Variants in EYS observed in about 807,000 individuals in gnomAD.
EYS encodes protein eyes shut homolog.
Under a neutral mutation model 282.1 loss-of-function variants are expected in EYS, and 250 were observed. That is an observed-to-expected ratio of 0.89 (90% CI 0.80 to 0.98). EYS has a LOEUF of 0.98. Ranked by LOEUF, EYS falls within the 50% of genes least tolerant of loss-of-function variation. The pLI is 0.00. For missense variants in EYS, 4,016 were observed against 3,709.0 expected, an observed-to-expected ratio of 1.08 and a Z score of -2.15; for synonymous variants, 1,355 against 1,282.9, an observed-to-expected ratio of 1.06 and a Z score of -1.20.
At chr6:65,033,650 G>A (rs1772675478) in intron 13 of EYS, among the ~76,000 whole-genome samples, 1 of 152,144 alleles carries the variant, frequency 6.6e-6, no homozygotes, top group Non-Finnish European at 1.5e-5. Flanking sequence ...AAGAATGCTT[G>A]GCAGCCTCCT....
At chr6:65,583,047 T>C (rs1764921051) in intron 2 of EYS, among the ~76,000 whole-genome samples, 1 of 152,078 alleles carries the variant, frequency 6.6e-6, no homozygotes. Context: ...TATAATGCAA[T>C]TTTAAAAGTT....
At chr6:65,610,261 G>A (rs1765948143) in intron 2 of EYS, among the ~76,000 whole-genome samples, 4 of 151,736 alleles carry the variant, frequency 2.6e-5, no homozygotes, top group Admixed American at 2.6e-4. Context: ...TCTTTGTATT[G>A]TGTTGTTCTT....
chr6:64,700,518 CAT>C (rs546415560), intron 22 of EYS, among the ~76,000 whole-genome samples: 9 of 152,050 alleles, frequency 5.9e-5, no homozygotes, highest in African/African-American at 1.9e-4. Context: ...AGATTTGATA[CAT>C]GACTTTAATA....
intron 22 of EYS, among the ~76,000 whole-genome samples, chr6:64,693,425 T>C (rs1318759605): frequency 1.3e-5 from 2 of 152,132 alleles, no homozygotes; most frequent in African/African-American, 4.8e-5. Flanking sequence ...AAATGAGCTA[T>C]TGTGATAAAG....
intron 5 of EYS, among the ~76,000 whole-genome samples, chr6:65,432,243 C>T (rs942272697): frequency 1.3e-5 from 2 of 151,922 alleles, no homozygotes; most frequent in African/African-American, 4.8e-5. Context: ...TTATATGAAA[C>T]ATAAAATTAT....
chr6:65,544,236 C>T (rs746364257), intron 2 of EYS, among the ~76,000 whole-genome samples: 17 of 152,060 alleles, frequency 1.1e-4, no homozygotes, highest in Admixed American at 3.3e-4. Flanking sequence ...CATGAGAACA[C>T]GTGAAGTTCT....
At chr6:64,068,536 G>T (rs1475364757) in intron 32 of EYS, among the ~76,000 whole-genome samples, 2 of 151,842 alleles carry the variant, frequency 1.3e-5, no homozygotes, top group Non-Finnish European at 1.5e-5. Flanking sequence ...GGGAGGGATA[G>T]CATTAGGAGA....
intron 22 of EYS, among the ~76,000 whole-genome samples, chr6:64,655,527 T>A (rs4710483): frequency 6.6e-6 from 1 of 151,294 alleles, no homozygotes; most frequent in South Asian, 2.1e-4. Flanking sequence ...ACATAGTAAT[T>A]AGAAAAAAAG....
chr6:63,753,525 A>C (rs761032144), intron 41 of EYS, among the ~76,000 whole-genome samples: 1 of 152,146 alleles, frequency 6.6e-6, no homozygotes, highest in Non-Finnish European at 1.5e-5. Flanking sequence ...GACCTTCTTC[A>C]CATAGTGGCA....
At position 64,155,910 on chromosome 6, in the gene EYS, C is replaced by T. The variant is rs570124019; in HGVS notation, c.6425-73908G>A. Among the ~76,000 whole-genome samples, 3 of 151,950 alleles carry T rather than the reference C, an allele frequency of 2.0e-5. No individual in the cohort carries two copies. In the East Asian group the frequency reaches 5.8e-4, roughly 29 times the overall value. ...CTAACGATAAAATGACAGCAGAAAA[C>T]ATGTGGAACTCCGCACAAAACCCTT... On this transcript the variant is annotated intron_variant, in intron 31 of 42. Coordinates refer to ENST00000503581, the MANE Select transcript of EYS (RefSeq NM_001142800.2).
Position 64,242,889 on chromosome 6 carries a change from AAATAT to A in EYS, c.6192-12070_6192-12066del, listed in dbSNP as rs912689291. Among the ~76,000 whole-genome samples, 7 of 147,020 alleles carry A rather than the reference AAATAT, an allele frequency of 4.8e-5. No homozygotes were observed. In the East Asian group the frequency reaches 7.8e-4, roughly 16 times the overall value. ...TATATAAATATATAATCATATTAAT[AAATAT>A]AATATATTCAAATATAGTATTCATA... is the stretch of plus-strand genomic sequence containing the variant. On this transcript the variant is annotated intron_variant, in intron 30 of 42. Transcript: ENST00000503581.
At chr6:65,107,565 TTA>T (rs1179047699) in intron 12 of EYS, among the ~76,000 whole-genome samples, 1 of 151,826 alleles carries the variant, frequency 6.6e-6, no homozygotes, top group Non-Finnish European at 1.5e-5. Flanking sequence ...TTATAGTATA[TTA>T]TAATGTATTA....
intron 31 of EYS, among the ~76,000 whole-genome samples, chr6:64,133,452 A>G (rs1390705031): frequency 6.7e-6 from 1 of 150,178 alleles, no homozygotes; most frequent in African/African-American, 2.5e-5. Flanking sequence ...GATAGAGGAG[A>G]ACTTGGCTTT....
At chr6:64,779,502 T>C (rs1035959973) in intron 22 of EYS, among the ~76,000 whole-genome samples, 2 of 152,060 alleles carry the variant, frequency 1.3e-5, no homozygotes, top group Non-Finnish European at 2.9e-5. Context: ...AAGGGAAGAA[T>C]AGAGGAAGCA....
At chr6:64,137,051 A>G (rs78830142) in intron 31 of EYS, among the ~76,000 whole-genome samples, 17,159 of 152,182 alleles carry the variant, frequency 0.11, 1,860 homozygotes, top group African/African-American at 0.29. Flanking sequence ...ATGATCTTAG[A>G]TACATCTTCT....
At chr6:64,753,381 C>G (rs983633943) in intron 22 of EYS, among the ~76,000 whole-genome samples, 1 of 151,504 alleles carries the variant, frequency 6.6e-6, no homozygotes, top group African/African-American at 2.4e-5. Context: ...ACACACTTAG[C>G]TGATAAAGAC....
intron 12 of EYS, among the ~76,000 whole-genome samples, chr6:65,206,128 T>C (rs1447792497): frequency 6.6e-6 from 1 of 151,574 alleles, no homozygotes; most frequent in African/African-American, 2.4e-5. Flanking sequence ...ACAAAATCAA[T>C]AGACTGCTAG....
At chr6:64,212,137 A>C (rs1420622687) in intron 31 of EYS, among the ~76,000 whole-genome samples, 5 of 151,960 alleles carry the variant, frequency 3.3e-5, no homozygotes, top group Non-Finnish European at 7.4e-5. Context: ...ATAATTAATA[A>C]TTTAAAAAAT....
At chr6:63,921,961 G>A (rs566040634) in intron 35 of EYS, among the ~76,000 whole-genome samples, 6 of 152,272 alleles carry the variant, frequency 3.9e-5, no homozygotes, top group African/African-American at 1.4e-4. Flanking sequence ...TTAAAAGGAG[G>A]TCATATAAGT....
Sources: allele counts gnomAD v4.1 joint callset (sites outside exome capture counted in the v4.1 genomes callset), GRCh38; gene constraint gnomAD v4.1.1; transcripts MANE v1.5; gene names NCBI Gene and HGNC (gene_info 2026-07-23, HGNC 2026-07-21).